Variants in CSMD1 observed in about 807,000 individuals in gnomAD.
CSMD1 encodes the protein CUB and Sushi multiple domains 1.
In CSMD1, 213 loss-of-function variants were observed where a neutral mutation model predicts 417.5. That is an observed-to-expected ratio of 0.51 (90% CI 0.46 to 0.57). The LOEUF (loss-of-function observed/expected upper bound fraction) is 0.57, where lower values mean the gene tolerates loss of function less well. Among genes scored for constraint, CSMD1 ranks in the 20% least tolerant of loss-of-function variants. The pLI is 0.00. For missense variants in CSMD1, 6,923 were observed against 4,529.7 expected (o/e 1.53, Z -15.17); for synonymous variants, 2,862 against 1,736.8 (o/e 1.65, Z -16.11).
intron 3 of CSMD1, among the ~76,000 whole-genome samples, chr8:4,250,053 G>A (rs992622951): frequency 6.6e-6 from 1 of 152,092 alleles, no homozygotes; most frequent in Admixed American, 6.6e-5. Flanking sequence ...CCAATAAAGA[G>A]GGCTCTCAGA....
chr8:3,415,018 A>G (rs1160137999), intron 12 of CSMD1, among the ~76,000 whole-genome samples: 12 of 152,190 alleles, frequency 7.9e-5, no homozygotes. Flanking sequence ...TTAAATCTGT[A>G]GCACCTGTTC....
At chr8:3,218,560 C>CA (rs375544620) in intron 29 of CSMD1, among the ~76,000 whole-genome samples, 2,076 of 128,512 alleles carry the variant, frequency 0.016, 76 homozygotes, top group African/African-American at 0.057. Context: ...GACTCCATCT[C>CA]AAAAATAAAA....
chr8:4,106,221 C>G (rs1036256976), intron 3 of CSMD1, among the ~76,000 whole-genome samples: 1 of 152,140 alleles, frequency 6.6e-6, no homozygotes, highest in African/African-American at 2.4e-5. Context: ...AGCATTGGGT[C>G]AGGGAGTGAT....
chr8:3,285,090 C>A (rs1215872896), intron 25 of CSMD1, among the ~76,000 whole-genome samples: 2 of 152,074 alleles, frequency 1.3e-5, no homozygotes, highest in African/African-American at 2.4e-5. Flanking sequence ...GAAACACCAA[C>A]AAAAATTAGC....
At chr8:4,279,333 A>G (rs1364121317) in intron 3 of CSMD1, among the ~76,000 whole-genome samples, 1 of 152,310 alleles carries the variant, frequency 6.6e-6, no homozygotes, top group East Asian at 1.9e-4. Flanking sequence ...CACACACAAG[A>G]CTAGACAGAT....
At chr8:4,837,396 G>A (rs184359753) in intron 1 of CSMD1, among the ~76,000 whole-genome samples, 2 of 152,142 alleles carry the variant, frequency 1.3e-5, no homozygotes, top group Admixed American at 1.3e-4. Flanking sequence ...AGACACCATG[G>A]AGTACTATTC....
rs1801306561 is a variant in CSMD1, at chr8:4,848,933, C to T, written c.85+145399G>A. ...CTTTTTATTGTTGCTTTAGAAGGTA[C>T]TTGTTCTACTTATAAAAGTATTAAC... On this transcript the variant is annotated intron_variant, in intron 1 of 69. Coordinates refer to ENST00000635120, the MANE Select transcript of CSMD1 (RefSeq NM_033225.6). Among the ~76,000 whole-genome samples, 2 of 152,164 alleles carry T rather than the reference C, an allele frequency of 1.3e-5. 1 individual carries two copies. Among genetic ancestry groups the T allele is most frequent in the South Asian group, 4.1e-4 (2 of 4,826 alleles).
At chr8:3,998,251 T>G (rs1815378043) in intron 4 of CSMD1, 141 bp from the exon 5 acceptor site, 2 of 676,378 alleles carry the variant, frequency 3.0e-6, no homozygotes, top group East Asian at 5.5e-5. Context: ...AAAAGAATCT[T>G]TTGGTATGTT....
At chr8:3,127,563 C>T (rs1019714789) in intron 41 of CSMD1, 2 of 152,134 alleles carry the variant, frequency 1.3e-5, no homozygotes, top group Non-Finnish European at 2.9e-5. Context: ...CTAAGAAAAT[C>T]ATTTCACATA....
intron 37 of CSMD1, among the ~76,000 whole-genome samples, chr8:3,164,064 A>G (rs1049383083): frequency 2.6e-5 from 4 of 152,148 alleles, no homozygotes; most frequent in African/African-American, 4.8e-5. Context: ...CACCATCCCA[A>G]ATCCTTCACC....
At chr8:4,022,298 G>A (rs186821095) in intron 4 of CSMD1, among the ~76,000 whole-genome samples, 23 of 151,822 alleles carry the variant, frequency 1.5e-4, no homozygotes, top group Admixed American at 1.5e-3. Flanking sequence ...TTTCAGACAA[G>A]GAAGAGAAGT....
At chr8:4,474,681 G>A (rs1461099358) in intron 2 of CSMD1, among the ~76,000 whole-genome samples, 1 of 152,014 alleles carries the variant, frequency 6.6e-6, no homozygotes, top group Non-Finnish European at 1.5e-5. Context: ...ACAACAACGT[G>A]GATCTCAACT....
chr8:4,765,089 G>A (rs896285980), intron 1 of CSMD1, among the ~76,000 whole-genome samples: 4 of 152,064 alleles, frequency 2.6e-5, no homozygotes, highest in Non-Finnish European at 5.9e-5. Context: ...GGTATGCAAC[G>A]CATGGGCTCA....
In CSMD1 at chr8:4,411,928, T is replaced by C. The variant is rs529630443; in HGVS notation, c.415+8025A>G. On this transcript the variant is annotated intron_variant, in intron 3 of 69. Transcript: ENST00000635120. ...CAATACACATAGGACTAAAAGGAAT[T>C]ATTTTTAATAGTACTAGAACTTACG... 2.6e-5 allele frequency among the ~76,000 whole-genome samples: 4 copies of C among 152,248 alleles called. No individual in the cohort carries two copies. The East Asian group carries it at 7.7e-4, about 29-fold the overall frequency.
intron 7 of CSMD1, among the ~76,000 whole-genome samples, chr8:3,680,351 G>T (rs893604806): frequency 6.6e-6 from 1 of 152,082 alleles, no homozygotes; most frequent in Admixed American, 6.6e-5. Flanking sequence ...ATGACAAAGG[G>T]TATATCACCA....
intron 5 of CSMD1, among the ~76,000 whole-genome samples, chr8:3,884,219 T>G (rs1159232306): frequency 6.6e-6 from 1 of 152,214 alleles, no homozygotes; most frequent in Non-Finnish European, 1.5e-5. Flanking sequence ...TTAATAAGCC[T>G]TCCATTATCC....
At chr8:4,201,797 C>G (rs189876370) in intron 3 of CSMD1, among the ~76,000 whole-genome samples, 2 of 151,018 alleles carry the variant, frequency 1.3e-5, no homozygotes, top group East Asian at 2.0e-4. Context: ...TAACCTCCTG[C>G]ACGACTGCTG....
chr8:4,966,182 A>G (rs4400402), intron 1 of CSMD1, among the ~76,000 whole-genome samples: 74,102 of 143,096 alleles, frequency 0.52, 19,561 homozygotes, highest in Middle Eastern at 0.64. Context: ...TGGCTAACAT[A>G]GTGGAAGCCC....
Position 4,849,830 on chromosome 8 carries a change from A to G in CSMD1, c.85+144502T>C, listed in dbSNP as rs141688756. On this transcript the variant is annotated intron_variant, in intron 1 of 69. Coordinates refer to ENST00000635120, the MANE Select transcript of CSMD1 (RefSeq NM_033225.6). Reference sequence around the variant, plus strand: ...ATTGCCTAACAAAGCATTTCTCAGAATATTTCCTCATTGTTATGTAACATG... The same window carrying G: ...ATTGCCTAACAAAGCATTTCTCAGAGTATTTCCTCATTGTTATGTAACATG... Among the ~76,000 whole-genome samples the G allele has an allele frequency of 4.3e-3, 657 of 152,262 alleles. 3 individuals are homozygous for G. The highest frequency in any genetic ancestry group is 7.0e-3 in the Non-Finnish European group (476 of 68,010).
Sources: allele counts gnomAD v4.1 joint callset (sites outside exome capture counted in the v4.1 genomes callset), GRCh38; gene constraint gnomAD v4.1.1; transcripts MANE v1.5; gene names NCBI Gene and HGNC (gene_info 2026-07-23, HGNC 2026-07-21).